SCN8A: variants seen among roughly 807,000 people sequenced by gnomAD.
SCN8A encodes the protein sodium voltage-gated channel alpha subunit 8, also known as sodium channel protein type 8 subunit alpha.
Under a neutral mutation model 184.1 loss-of-function variants are expected in SCN8A, and 30 were observed. That is an observed-to-expected ratio of 0.16 (90% CI 0.12 to 0.22). The LOEUF is 0.22. Ranked by LOEUF, SCN8A falls within the 10% of genes least tolerant of loss-of-function variation. The pLI, the probability that SCN8A is intolerant of heterozygous loss-of-function variation, is 1.00. For missense variants in SCN8A, 1,057 were observed against 2,498.9 expected, an observed-to-expected ratio of 0.42 and a Z score of 12.30; for synonymous variants, 852 against 907.0, an observed-to-expected ratio of 0.94 and a Z score of 1.09.
intron 1 of SCN8A, among the ~76,000 whole-genome samples, chr12:51,593,424 G>A (rs1939275494): frequency 6.6e-6 from 1 of 152,008 alleles, no homozygotes. Flanking sequence ...TTTCATTTGG[G>A]GTTTTGTCAA....
At chr12:51,791,852 T>C (rs571972808) in intron 25 of SCN8A, among the ~76,000 whole-genome samples, 45 of 152,236 alleles carry the variant, frequency 3.0e-4, no homozygotes, top group Middle Eastern at 3.4e-3. Flanking sequence ...TACTCCAGCT[T>C]GGGCAATAGG....
rs1410549446 is a variant in SCN8A at position 51,774,398 on chromosome 12, G to T, written c.3819+36G>T. ...TGCTTTCTGTTTCCCACCCCTTCCAGCAGGAACACAGAAACAGGGGTCTCT... is the reference window on the plus strand; with the variant it reads ...TGCTTTCTGTTTCCCACCCCTTCCATCAGGAACACAGAAACAGGGGTCTCT... On this transcript the variant is annotated intron_variant, in intron 20 of 26. Coordinates refer to ENST00000627620, the MANE Select transcript of SCN8A (RefSeq NM_001330260.2). 1.9e-6 allele frequency: 3 copies of T among 1,559,746 alleles called. No individual in the cohort carries two copies. The East Asian group carries it at 6.8e-5, about 35-fold the overall frequency.
chr12:51,708,275 G>A (rs998036487), intron 11 of SCN8A, among the ~76,000 whole-genome samples: 3 of 152,188 alleles, frequency 2.0e-5, no homozygotes, highest in Non-Finnish European at 4.4e-5. Context: ...GTATCACACT[G>A]ATAAGTTAGC....
At chr12:51,738,249 C>G (rs1592136302) in intron 12 of SCN8A, among the ~76,000 whole-genome samples, 2 of 152,170 alleles carry the variant, frequency 1.3e-5, no homozygotes, top group South Asian at 2.1e-4. Context: ...CTTGTGCTCC[C>G]CATTGTTGTA....
intron 1 of SCN8A, among the ~76,000 whole-genome samples, chr12:51,646,676 G>A (rs142260174): frequency 5.9e-5 from 9 of 152,334 alleles, no homozygotes; most frequent in African/African-American, 2.2e-4. Context: ...GAATAGGTGT[G>A]GAGGCAACAG....
At chr12:51,712,876 C>T in intron 11 of SCN8A, 4 of 1,534,136 alleles carry the variant, frequency 2.6e-6, no homozygotes, top group Non-Finnish European at 3.6e-6. Context: ...TCCTCTTCCA[C>T]CAAAGTTTCC....
chr12:51,691,727 T>C (rs939744381), intron 6 of SCN8A, among the ~76,000 whole-genome samples: 2 of 152,104 alleles, frequency 1.3e-5, no homozygotes, highest in Admixed American at 6.5e-5. Flanking sequence ...CAGTAAATGG[T>C]ATATTTGGTT....
At chr12:51,688,466 C>G (rs547559649) in intron 5 of SCN8A, among the ~76,000 whole-genome samples, 5 of 152,294 alleles carry the variant, frequency 3.3e-5, no homozygotes, top group African/African-American at 1.2e-4. Context: ...TCCTGGCCTT[C>G]CTTTTTACTA....
chr12:51,674,527 G>A (rs943920517), intron 2 of SCN8A, among the ~76,000 whole-genome samples: 3 of 152,108 alleles, frequency 2.0e-5, no homozygotes, highest in African/African-American at 7.2e-5. Flanking sequence ...TAGAGACGGG[G>A]TTTTGCCATG....
At chr12:51,742,934 A>G (rs1348497133) in intron 12 of SCN8A, among the ~76,000 whole-genome samples, 1 of 152,098 alleles carries the variant, frequency 6.6e-6, no homozygotes, top group East Asian at 1.9e-4. Flanking sequence ...GTATTTTCAA[A>G]TAGCCTGTCT....
intron 21 of SCN8A, among the ~76,000 whole-genome samples, chr12:51,784,758 C>T (rs577242046): frequency 5.8e-4 from 88 of 152,212 alleles, no homozygotes; most frequent in Non-Finnish European, 1.1e-3. Flanking sequence ...AAAGAGATCA[C>T]GTTAATGTTT....
At chr12:51,664,365 A>G (rs1293521847) in intron 2 of SCN8A, among the ~76,000 whole-genome samples, 1 of 151,628 alleles carries the variant, frequency 6.6e-6, no homozygotes, top group Admixed American at 6.6e-5. Flanking sequence ...CCACCACCAC[A>G]CTCAGCTAAT....
In SCN8A at chr12:51,609,035, C is replaced by T. The variant is rs578128551; in HGVS notation, c.-55+17676C>T. 1.8e-4 allele frequency among the ~76,000 whole-genome samples: 28 copies of T among 152,294 alleles called. No homozygotes were observed. In the South Asian group the frequency reaches 2.5e-3, roughly 14 times the overall value. On this transcript the variant is annotated intron_variant, in intron 1 of 26. Transcript: ENST00000627620. ...AGGTTACTTAACTTCTATGTATTTG[C>T]ATGGTTTTGAAGGTTTCTTTTGGAG...
intron 6 of SCN8A, 147 bp from the exon 7 acceptor site, chr12:51,699,420 CTAT>C (rs1941646223): frequency 1.1e-5 from 6 of 525,554 alleles, no homozygotes; most frequent in Middle Eastern, 9.9e-4. Context: ...TTTTGCTGAC[CTAT>C]TATTATTCTC....
At position 51,765,721 on chromosome 12, in the gene SCN8A, C is replaced by T; in HGVS notation, c.2595C>T (p.Ile865=). The part of the protein sequence containing the change: ...AKSWPTLNML[I]KIIGNSVGAL... ...CCTGGCCCACCCTGAACATGCTAAT[C>T]AAGATTATTGGAAATTCAGTGGGTG... The change falls in exon 16 of 27, where the codon ATC becomes ATT. Residue 865 remains isoleucine, a synonymous_variant. Coordinates refer to ENST00000627620, the MANE Select transcript of SCN8A (RefSeq NM_001330260.2). 1 of 1,612,542 alleles carries T rather than the reference C, an allele frequency of 6.2e-7. No individual in the cohort carries two copies. The highest frequency in any genetic ancestry group is 8.5e-7 in the Non-Finnish European group (1 of 1,179,428).
rs929785597 is a variant in SCN8A, at chr12:51,599,259, TAAG to T, written c.-55+7903_-55+7905del. Reference sequence around the variant, plus strand: ...TAAGTCATAAACACAAAATGTTAAATAAGAAAAGATTTTCATAATGGTTGATGA... The same window carrying T: ...TAAGTCATAAACACAAAATGTTAAATAAAAGATTTTCATAATGGTTGATGA... On this transcript the variant is annotated intron_variant, in intron 1 of 26. Transcript: ENST00000627620. Among the ~76,000 whole-genome samples, 73 of 152,306 alleles carry T rather than the reference TAAG, an allele frequency of 4.8e-4. No homozygotes were observed. The Middle Eastern group carries it at 0.014, about 28-fold the overall frequency.
chr12:51,770,412 C>CTG, intron 18 of SCN8A, 117 bp from the exon 19 acceptor site: 1 of 1,148,670 alleles, frequency 8.7e-7, no homozygotes, highest in East Asian at 2.6e-5. Flanking sequence ...GATTCAGCCA[C>CTG]TGTCCTCCTG....
At chr12:51,648,559 G>C (rs1940642068) in intron 1 of SCN8A, among the ~76,000 whole-genome samples, 3 of 152,178 alleles carry the variant, frequency 2.0e-5, no homozygotes, top group Non-Finnish European at 4.4e-5. Flanking sequence ...TCAGAATCAT[G>C]GCAGGAGGCG....
At chr12:51,722,790 T>C (rs937251993) in intron 12 of SCN8A, 1 of 152,234 alleles carries the variant, frequency 6.6e-6, no homozygotes, top group African/African-American at 2.4e-5. Context: ...ATATAATAGC[T>C]TCACAAAATC....
Sources: allele counts gnomAD v4.1 joint callset (sites outside exome capture counted in the v4.1 genomes callset), GRCh38; gene constraint gnomAD v4.1.1; transcripts MANE v1.5; gene names NCBI Gene and HGNC (gene_info 2026-07-23, HGNC 2026-07-21).